Variants in CNTNAP1 observed in about 807,000 individuals in gnomAD.
CNTNAP1 encodes the protein contactin-associated protein 1.
In CNTNAP1, 80 loss-of-function variants were observed where a neutral mutation model predicts 161.5. The ratio of observed to expected loss-of-function variants is 0.50; its 90% CI spans 0.41 to 0.60. CNTNAP1 has a LOEUF of 0.60. CNTNAP1 is among the 20% of genes least tolerant of loss of function. CNTNAP1 has a pLI of 0.00. For missense variants in CNTNAP1, 1,464 were observed against 1,854.8 expected (o/e 0.79, Z 3.87); for synonymous variants, 695 against 733.1 (o/e 0.95, Z 0.84).
intron 6 of CNTNAP1, 140 bp from the exon 7 acceptor site, chr17:42,686,763 G>A: frequency 9.7e-7 from 1 of 1,026,116 alleles, no homozygotes; most frequent in Non-Finnish European, 1.4e-6. Flanking sequence ...GCGAGCTTTA[G>A]TACCGACACT....
At chr17:42,697,193 C>T in intron 20 of CNTNAP1, 81 bp from the exon 21 acceptor site, 1 of 993,192 alleles carries the variant, frequency 1.0e-6, no homozygotes, top group Non-Finnish European at 1.6e-6. Flanking sequence ...CCAGGGTCCA[C>T]ACAGTTCCAG....
Position 42,693,394 on chromosome 17 carries a change from T to C in CNTNAP1, c.2850T>C (p.Ser950=). Residue 950 remains serine, a synonymous_variant, in exon 18 of 24, where the codon TCT becomes TCC. Coordinates refer to ENST00000264638, the MANE Select transcript of CNTNAP1 (RefSeq NM_003632.3). ...TLNLEGRANA[S]EGTSPNCTGH... ...ACCTGGAGGGCCGTGCCAATGCCTC[T>C]GAGGGTACCTCACCCAACTGCACAG... 1 of 1,614,232 alleles carries C rather than the reference T, an allele frequency of 6.2e-7. No individual in the cohort carries two copies. Among genetic ancestry groups the C allele is most frequent in the South Asian group, 1.1e-5 (1 of 91,086 alleles).
At chr17:42,692,238 CCT>C (rs1567973867) in intron 16 of CNTNAP1, among the ~76,000 whole-genome samples, 2 of 152,166 alleles carry the variant, frequency 1.3e-5, no homozygotes, top group East Asian at 3.9e-4. Context: ...CCTTCGAGTC[CCT>C]CTCACCGCTG....
In CNTNAP1 at chr17:42,683,583, G is replaced by C. The variant is rs1597802745; in HGVS notation, c.68-238G>C. ...TATTGGGCTAGCTAGGGAGGGTCTGGCCTTGGGCCTATAGGTGTAGCCTAG... is the reference window on the plus strand; with the variant it reads ...TATTGGGCTAGCTAGGGAGGGTCTGCCCTTGGGCCTATAGGTGTAGCCTAG... On this transcript the variant is annotated intron_variant, in intron 1 of 23. Transcript: ENST00000264638. The C allele has an allele frequency of 7.9e-6, 11 of 1,390,332 alleles. No homozygotes were observed. The East Asian group carries it at 3.0e-4, about 37-fold the overall frequency. 86.1% of individuals were successfully genotyped at this position (1,390,332 alleles called of 1,614,324 possible). A position where few individuals can be genotyped will look rare whatever the true frequency, so the allele number is the denominator to read the frequency against.
At chr17:42,686,641 A>G (rs1174173140) in intron 6 of CNTNAP1, among the ~76,000 whole-genome samples, 1 of 152,074 alleles carries the variant, frequency 6.6e-6, no homozygotes, top group African/African-American at 2.4e-5. Context: ...GTTGTTAAAG[A>G]CCCTGACCCC....
rs756766060 is a variant in CNTNAP1, at chr17:42,698,914, A to C, written c.*4A>C. ...GGAGGAGTCCAGGTCTGAATGAGTC[A>C]GAAGGGCTTCTGGGACCAATTCCAG... On this transcript the variant is annotated 3_prime_UTR_variant, in exon 24 of 24. Coordinates refer to ENST00000264638, the MANE Select transcript of CNTNAP1 (RefSeq NM_003632.3). 2.0e-6 allele frequency: 3 copies of C among 1,498,114 alleles called. No homozygotes were observed. Among genetic ancestry groups the C allele is most frequent in the Non-Finnish European group, 2.7e-6 (3 of 1,129,216 alleles). 92.8% of individuals were successfully genotyped at this position (1,498,114 alleles called of 1,614,324 possible).
rs1052518950 is a variant in CNTNAP1, at chr17:42,686,908, C to T, written c.906C>T (p.Phe302=). The change falls in exon 7 of 24, where the codon TTC becomes TTT. Residue 302 remains phenylalanine (F), a synonymous_variant. Coordinates refer to ENST00000264638, the MANE Select transcript of CNTNAP1 (RefSeq NM_003632.3). Reference sequence around the variant, plus strand: ...ATTCCCCACGCCTCCCGCAGATGTTCATCGGAGGTCTGGTGGGCGCCGCGC... The same window carrying T: ...ATTCCCCACGCCTCCCGCAGATGTTTATCGGAGGTCTGGTGGGCGCCGCGC... The part of the protein sequence containing the change: ...FERLNLDTEM[F]IGGLVGAARK... 6 of 1,602,758 alleles carry T rather than the reference C, an allele frequency of 3.7e-6. No homozygotes were observed. The highest frequency in any genetic ancestry group is 5.1e-6 in the Non-Finnish European group (6 of 1,171,208).
intron 8 of CNTNAP1, 24 bp downstream of exon 8, chr17:42,688,005 C>T (rs2053039794): frequency 1.2e-6 from 2 of 1,606,948 alleles, no homozygotes; most frequent in South Asian, 1.1e-5. Flanking sequence ...GGGGGAGGCA[C>T]AAGAAGAGAA....
Position 42,692,715 on chromosome 17 carries a change from A to C in CNTNAP1, c.2747A>C (p.Tyr916Ser). 1 of 1,606,040 alleles carries C rather than the reference A, an allele frequency of 6.2e-7. No individual in the cohort carries two copies. The highest frequency in any genetic ancestry group is 8.5e-7 in the Non-Finnish European group (1 of 1,174,076). Residue 916 changes from tyrosine to serine, a missense_variant, in exon 17 of 24, where the codon TAT (tyrosine) becomes TCT (serine). This residue lies in a region of CNTNAP1 where 1,383 missense variants were observed against 1,765.0 expected (regional missense o/e 0.78). Transcript: ENST00000264638. Reference protein sequence around the residue: ...YIWMEYDQPLYVGSAELKRRP... With the variant: ...YIWMEYDQPLSVGSAELKRRP... ...TGGATGGAGTATGACCAGCCCCTCT[A>C]TGTGGGTAAGCAGCAACCCAGAGGC...
intron 2 of CNTNAP1, 31 bp downstream of exon 2, chr17:42,683,953 G>A: frequency 6.2e-7 from 1 of 1,613,424 alleles, no homozygotes; most frequent in Non-Finnish European, 8.5e-7. Flanking sequence ...GCTGCCAACT[G>A]GCAGCGCACC....
rs985902890 is a variant in CNTNAP1, at chr17:42,691,712, C to A, written c.2345-94C>A. On this transcript the variant is annotated intron_variant, in intron 15 of 23. Transcript: ENST00000264638. This position sits in a 1 kb window ranked among gnomAD's most constrained non-coding sequence, Gnocchi z 4.3. Reference sequence around the variant, plus strand: ...CCCTCCGTCACCTCAAACCCTCCCCCTTTGCCCAACCTTCCCTGCCCCCAA... The same window carrying A: ...CCCTCCGTCACCTCAAACCCTCCCCATTTGCCCAACCTTCCCTGCCCCCAA... The A allele has an allele frequency of 7.1e-5, 101 of 1,431,420 alleles. No homozygotes were observed. In the Middle Eastern group the frequency reaches 8.9e-4, roughly 13 times the overall value. The allele number at this position is 1,431,420 out of a possible 1,614,324, so 88.7% of individuals were successfully genotyped here. A position where few individuals can be genotyped will look rare whatever the true frequency, so the allele number is the denominator to read the frequency against.
chr17:42,686,682 T>C (rs764589614), intron 6 of CNTNAP1, among the ~76,000 whole-genome samples: 4 of 152,236 alleles, frequency 2.6e-5, no homozygotes, highest in African/African-American at 9.6e-5. Context: ...GGCAGGCTAA[T>C]TGACTTGCCC....
At chr17:42,694,719 T>G (rs2053132234) in intron 18 of CNTNAP1, among the ~76,000 whole-genome samples, 1 of 152,138 alleles carries the variant, frequency 6.6e-6, no homozygotes, top group Admixed American at 6.5e-5. Context: ...ATTTGATGAT[T>G]GCTGCATTCC....
chr17:42,694,413 C>T (rs949095732), intron 18 of CNTNAP1, among the ~76,000 whole-genome samples: 2 of 152,056 alleles, frequency 1.3e-5, no homozygotes, highest in African/African-American at 4.8e-5. Context: ...CGCAGGTGAT[C>T]CACCCACCTT....
intron 1 of CNTNAP1, 36 bp downstream of exon 1, chr17:42,682,932 C>T: frequency 6.4e-7 from 1 of 1,564,260 alleles, no homozygotes; most frequent in Non-Finnish European, 8.7e-7. Flanking sequence ...GGGGTTGGGC[C>T]CAGGAGTCCA....
At position 42,691,238 on chromosome 17, in the gene CNTNAP1, C is replaced by A. The variant is rs199522414; in HGVS notation, c.2161C>A (p.Arg721=). Residue 721 remains arginine, a synonymous_variant, in exon 14 of 24, where the codon CGG becomes AGG. Transcript: ENST00000264638. The surrounding 1 kb of genome is among the most constrained non-coding windows in gnomAD (Gnocchi z 4.3). ...GIQRCACGLD[R]SCVDPALYCN... Reference sequence around the variant, plus strand: ...CCAGCGCTGTGCCTGTGGTCTGGACCGGAGCTGTGTGGACCCTGCCTTGTA... The same window carrying A: ...CCAGCGCTGTGCCTGTGGTCTGGACAGGAGCTGTGTGGACCCTGCCTTGTA... The A allele has an allele frequency of 1.2e-6, 2 of 1,614,030 alleles. No homozygotes were observed. Among genetic ancestry groups the A allele is most frequent in the African/African-American group, 2.7e-5 (2 of 74,918 alleles).
intron 11 of CNTNAP1, 133 bp downstream of exon 11, chr17:42,689,760 A>T: frequency 1.3e-6 from 1 of 741,932 alleles, no homozygotes; most frequent in Non-Finnish European, 2.3e-6. Context: ...GGTTTTTTTG[A>T]GACAGAGTCT....
rs143795143 is a variant in CNTNAP1, at chr17:42,693,355, C to T, written c.2811C>T (p.Asn937=). Residue 937 remains asparagine (N), a synonymous_variant, in exon 18 of 24, where the codon AAC becomes AAT. Coordinates refer to ENST00000264638, the MANE Select transcript of CNTNAP1 (RefSeq NM_003632.3). The stretch of plus-strand genomic sequence containing the variant: ...GTTGCTTGAGGGCCATGCGTCTGAA[C>T]GGAGTGACTCTGAACCTGGAGGGCC... ...FVGCLRAMRL[N]GVTLNLEGRA... 699 of 1,614,096 alleles carry T rather than the reference C, an allele frequency of 4.3e-4. 2 individuals carry two copies. Among genetic ancestry groups the T allele is most frequent in the Middle Eastern group, 1.6e-4 (1 of 6,084 alleles).
In CNTNAP1 at chr17:42,683,934, G is replaced by T. The variant is rs758763050; in HGVS notation, c.169+12G>T. On this transcript the variant is annotated intron_variant, in intron 2 of 23. Transcript: ENST00000264638. ...CGCCAGGCTGCACGGTGAGCTCCGC[G>T]GAACATCAGCTGCCAACTGGCAGCG... 1.3e-5 allele frequency: 21 copies of T among 1,613,730 alleles called. No individual in the cohort carries two copies. The Admixed American group carries it at 3.5e-4, about 27-fold the overall frequency.
Sources: gnomAD v4.1 joint callset for allele counts (sites outside exome capture counted in the v4.1 genomes callset) on GRCh38, gnomAD v4.1.1 for gene constraint, gnomAD v4.1.1 regional missense constraint, Gnocchi (gnomAD v3.1) non-coding constraint, MANE v1.5 for transcripts, NCBI Gene and HGNC (gene_info 2026-07-23, HGNC 2026-07-21) for gene names.